Variants in MID2 observed in about 807,000 individuals in gnomAD.
The protein encoded by MID2 is midline 2, also known as probable E3 ubiquitin-protein ligase MID2.
MID2 carries 13 observed loss-of-function variants against 46.1 expected under a neutral mutation model. The observed-to-expected ratio is 0.28, with a 90% CI of 0.18 to 0.45. MID2 has a LOEUF of 0.45. Among genes scored for constraint, MID2 ranks in the 20% least tolerant of loss-of-function variants. MID2 has a pLI of 1.00. For missense variants in MID2, 431 were observed against 575.4 expected, an observed-to-expected ratio of 0.75 and a Z score of 2.57; for synonymous variants, 199 against 212.3, an observed-to-expected ratio of 0.94 and a Z score of 0.55.
At chrX:107,844,839 C>A (rs760324472) in intron 2 of MID2, among the ~76,000 whole-genome samples, 13 of 111,704 alleles carry the variant, frequency 1.2e-4, no homozygotes, top group African/African-American at 4.2e-4. Context: ...ATGCATAATT[C>A]AAACCCCATA....
At chrX:107,839,053 G>A (rs1485127952) in intron 1 of MID2, among the ~76,000 whole-genome samples, 1 of 111,073 alleles carries the variant, frequency 9.0e-6, no homozygotes, top group Non-Finnish European at 1.9e-5. Context: ...GGAGGTGGAC[G>A]TTGCAGTTAG....
chrX:107,838,173 G>A (rs1931250171), intron 1 of MID2, among the ~76,000 whole-genome samples: 1 of 111,983 alleles, frequency 8.9e-6, no homozygotes, highest in Non-Finnish European at 1.9e-5. Context: ...AGAGGAGCAG[G>A]TGTTTTTTGT....
Position 107,901,432 on chromosome X carries a change from T to C in MID2, c.817-2526T>C, listed in dbSNP as rs1932793690. Reference sequence around the variant, plus strand: ...GTGGAAGCCAGATCTGGAGAGAAGGTGATAAGTTTGTTTTTAGACTTACTG... The same window carrying C: ...GTGGAAGCCAGATCTGGAGAGAAGGCGATAAGTTTGTTTTTAGACTTACTG... On this transcript the variant is annotated intron_variant, in intron 3 of 9. Coordinates refer to ENST00000262843, the MANE Select transcript of MID2 (RefSeq NM_012216.4). Among the ~76,000 whole-genome samples the C allele has an allele frequency of 2.7e-5, 3 of 111,496 alleles. No individual in the cohort carries two copies. The South Asian group carries it at 1.1e-3, about 42-fold the overall frequency.
At position 107,927,876 on chromosome X, in the gene MID2, A is replaced by T. The variant is rs1933212079; in HGVS notation, c.*803A>T. ...TTCCTCCCTCCTGTCACGCACACAT[A>T]CACATGCAACCATGACACAGATAAT... On this transcript the variant is annotated 3_prime_UTR_variant, in exon 10 of 10. Transcript: ENST00000262843. Among the ~76,000 whole-genome samples, 1 of 111,421 alleles carries T rather than the reference A, an allele frequency of 9.0e-6. No homozygotes were observed.
intron 3 of MID2, among the ~76,000 whole-genome samples, chrX:107,880,807 A>G (rs959326811): frequency 1.8e-5 from 2 of 112,375 alleles, no homozygotes; most frequent in African/African-American, 6.5e-5. Flanking sequence ...CATTTAAACT[A>G]TAAACTAAGC....
chrX:107,901,970 G>A (rs1932797870), intron 3 of MID2, among the ~76,000 whole-genome samples: 1 of 111,787 alleles, frequency 8.9e-6, no homozygotes, highest in Non-Finnish European at 1.9e-5. Flanking sequence ...AAGAGATGAT[G>A]ATTTTCAGAA....
chrX:107,926,080 T>C lies in MID2; in HGVS notation c.1598-14T>C. 3.5e-6 allele frequency: 4 copies of C among 1,128,238 alleles called. No homozygotes were observed. Among genetic ancestry groups the C allele is most frequent in the East Asian group, 3.0e-5 (1 of 33,407 alleles). 93.0% of individuals were successfully genotyped at this position (1,128,238 alleles called of 1,213,427 possible). A position where few individuals can be genotyped will look rare whatever the true frequency, so the allele number is the denominator to read the frequency against. ...TAGTGCTTTTTCTTTTTTTTTTTTCTACTTATTTTTCAGGCCAACCCTTTA... is the reference window on the plus strand; with the variant it reads ...TAGTGCTTTTTCTTTTTTTTTTTTCCACTTATTTTTCAGGCCAACCCTTTA... On this transcript the variant is annotated splice_polypyrimidine_tract_variant and intron_variant, in intron 8 of 9. Coordinates refer to ENST00000262843, the MANE Select transcript of MID2 (RefSeq NM_012216.4).
At chrX:107,902,848 C>T (rs977615295) in intron 3 of MID2, among the ~76,000 whole-genome samples, 6 of 111,263 alleles carry the variant, frequency 5.4e-5, no homozygotes, top group African/African-American at 9.8e-5. Context: ...GAGCTCTGCT[C>T]GAGTGATCCT....
intron 1 of MID2, among the ~76,000 whole-genome samples, chrX:107,840,154 T>C (rs775612407): frequency 3.5e-5 from 4 of 112,688 alleles, no homozygotes; most frequent in Non-Finnish European, 7.5e-5. Context: ...AAGCTCTCTC[T>C]TTTTTATGCA....
At chrX:107,920,345 A>G (rs1933047411) in intron 7 of MID2, among the ~76,000 whole-genome samples, 1 of 112,217 alleles carries the variant, frequency 8.9e-6, no homozygotes, top group African/African-American at 3.2e-5. Flanking sequence ...TGAAATGATC[A>G]CAACCAATGA....
At chrX:107,922,465 A>AT (rs746554482) in intron 7 of MID2, among the ~76,000 whole-genome samples, 281 of 111,564 alleles carry the variant, frequency 2.5e-3, no homozygotes, top group Middle Eastern at 4.7e-3. Flanking sequence ...ATTTAATTTT[A>AT]TTTTTTTGAA....
rs189226138 is a variant in MID2, at chrX:107,876,277, A to C, written c.816+21573A>C. ...CAAGGTGGCCACTTTCAGGAGATTC[A>C]CTAAAGTACTATCTGGTCCCAGGGT... On this transcript the variant is annotated intron_variant, in intron 3 of 9. Transcript: ENST00000262843. 8.3e-3 allele frequency among the ~76,000 whole-genome samples: 921 copies of C among 111,224 alleles called. 6 individuals are homozygous for C. The highest frequency in any genetic ancestry group is 0.013 in the Non-Finnish European group (710 of 52,955).
chrX:107,827,071 G>C (rs1182519622), intron 1 of MID2, among the ~76,000 whole-genome samples: 2 of 112,830 alleles, frequency 1.8e-5, no homozygotes, highest in Non-Finnish European at 3.8e-5. Context: ...ACGCAACCAG[G>C]GAGAGTGGGG....
chrX:107,924,678 T>C (rs2147876002), intron 8 of MID2, among the ~76,000 whole-genome samples, 174 bp downstream of exon 8: 1 of 111,462 alleles, frequency 9.0e-6, no homozygotes, highest in East Asian at 2.8e-4. Context: ...CATGGGAGAT[T>C]TGTGGACTCA....
In MID2 at chrX:107,903,946, A is replaced by C. The variant is rs1333280910; in HGVS notation, c.817-12A>C. On this transcript the variant is annotated splice_polypyrimidine_tract_variant and intron_variant, in intron 3 of 9. Transcript: ENST00000262843. ...AACAATCACTGTGTAATACTCTGAA[A>C]TTTCTTGGCAGGTGAATACTGCTAT... The C allele has an allele frequency of 8.6e-6, 10 of 1,163,624 alleles. No individual in the cohort carries two copies. The highest frequency in any genetic ancestry group is 1.2e-5 in the Non-Finnish European group (10 of 851,834).
At chrX:107,875,001 A>G (rs1460081629) in intron 3 of MID2, among the ~76,000 whole-genome samples, 1 of 110,821 alleles carries the variant, frequency 9.0e-6, no homozygotes, top group Non-Finnish European at 1.9e-5. Context: ...ACAGAGGAGA[A>G]TGTCATCTAT....
chrX:107,869,812 C>A (rs1432400672), intron 3 of MID2, among the ~76,000 whole-genome samples: 1 of 109,675 alleles, frequency 9.1e-6, no homozygotes, highest in Non-Finnish European at 1.9e-5. Flanking sequence ...TACAATCTTA[C>A]CATATTGGCA....
At chrX:107,875,216 C>T (rs780128708) in intron 3 of MID2, among the ~76,000 whole-genome samples, 1 of 111,544 alleles carries the variant, frequency 9.0e-6, no homozygotes, top group Admixed American at 9.5e-5. Flanking sequence ...CCTTTAGGTC[C>T]AGGACTGTGA....
chrX:107,915,339 T>A (rs1233430062), intron 5 of MID2, among the ~76,000 whole-genome samples: 1 of 112,077 alleles, frequency 8.9e-6, no homozygotes, highest in African/African-American at 3.2e-5. Flanking sequence ...GGTGGATCAC[T>A]TGAGGTCAGG....
Sources: allele counts gnomAD v4.1 joint callset (sites outside exome capture counted in the v4.1 genomes callset), GRCh38; gene constraint gnomAD v4.1.1; transcripts MANE v1.5; gene names NCBI Gene and HGNC (gene_info 2026-07-23, HGNC 2026-07-21).